SLC16A12: variants seen among roughly 807,000 people sequenced by gnomAD.
The protein encoded by SLC16A12 is solute carrier family 16 member 12, also known as monocarboxylate transporter 12.
A neutral mutation model predicts 42.4 loss-of-function variants in SLC16A12; 17 were observed. The ratio of observed to expected loss-of-function variants is 0.40; its 90% CI spans 0.27 to 0.60. The LOEUF (loss-of-function observed/expected upper bound fraction) is 0.60, where lower values mean the gene tolerates loss of function less well. SLC16A12 is among the 20% of genes least tolerant of loss of function. The pLI is 0.42. For synonymous variants in SLC16A12, 224 were observed against 229.4 expected, an observed-to-expected ratio of 0.98 and a Z score of 0.21; for missense variants, 544 against 623.0, an observed-to-expected ratio of 0.87 and a Z score of 1.35.
At chr10:89,526,369 T>G (rs1404541196) in intron 2 of SLC16A12, among the ~76,000 whole-genome samples, 2 of 152,200 alleles carry the variant, frequency 1.3e-5, no homozygotes, top group Non-Finnish European at 2.9e-5. Flanking sequence ...ACATATAACT[T>G]GAACTGAGTC....
chr10:89,501,255 A>T (rs1032286652), intron 2 of SLC16A12, among the ~76,000 whole-genome samples: 7 of 152,242 alleles, frequency 4.6e-5, no homozygotes, highest in African/African-American at 1.7e-4. Flanking sequence ...ATTCAATGCA[A>T]TGCCCATCAA....
intron 2 of SLC16A12, among the ~76,000 whole-genome samples, chr10:89,526,467 T>G (rs144203286): frequency 8.0e-4 from 122 of 152,316 alleles, no homozygotes; most frequent in African/African-American, 2.7e-3. Flanking sequence ...ATCAAAGTTA[T>G]AAAGTTATTA....
intron 2 of SLC16A12, among the ~76,000 whole-genome samples, chr10:89,481,159 G>A (rs1208607248): frequency 1.3e-5 from 2 of 152,140 alleles, no homozygotes; most frequent in Admixed American, 1.3e-4. Context: ...GAGTACAACT[G>A]TAGAAATACA....
intron 2 of SLC16A12, among the ~76,000 whole-genome samples, chr10:89,486,757 T>G (rs1842762403): frequency 6.8e-6 from 1 of 147,648 alleles, no homozygotes; most frequent in East Asian, 2.0e-4. Context: ...AGTATAGAAA[T>G]AAAGACTAGG....
At chr10:89,479,161 C>T (rs1434193990) in intron 2 of SLC16A12, among the ~76,000 whole-genome samples, 1 of 152,214 alleles carries the variant, frequency 6.6e-6, no homozygotes, top group Admixed American at 6.5e-5. Context: ...CAAAGACCTC[C>T]TTTTCCATGA....
At chr10:89,451,531 C>A (rs1043606900) in intron 3 of SLC16A12, among the ~76,000 whole-genome samples, 13 of 152,088 alleles carry the variant, frequency 8.5e-5, no homozygotes, top group Admixed American at 6.5e-4. Flanking sequence ...CCTGTCTCAG[C>A]CTCCCGAGTA....
chr10:89,505,331 C>T (rs1006085506), intron 2 of SLC16A12, among the ~76,000 whole-genome samples: 1 of 152,038 alleles, frequency 6.6e-6, no homozygotes, highest in Non-Finnish European at 1.5e-5. Context: ...AGGAGAATCT[C>T]TTAAACCTGG....
intron 2 of SLC16A12, among the ~76,000 whole-genome samples, chr10:89,551,176 T>C (rs1843768290): frequency 6.6e-6 from 1 of 152,186 alleles, no homozygotes; most frequent in South Asian, 2.1e-4. Flanking sequence ...GCGTGGTGGC[T>C]CACGCTTGTA....
chr10:89,510,364 A>G (rs1843143945), intron 2 of SLC16A12, among the ~76,000 whole-genome samples: 2 of 152,238 alleles, frequency 1.3e-5, no homozygotes, highest in Admixed American at 6.5e-5. Flanking sequence ...CCAAAACAGC[A>G]TGGTACTGGT....
At chr10:89,516,214 G>A (rs971465177) in intron 2 of SLC16A12, among the ~76,000 whole-genome samples, 1 of 152,136 alleles carries the variant, frequency 6.6e-6, no homozygotes, top group Non-Finnish European at 1.5e-5. Flanking sequence ...GTTCACTGAT[G>A]TATCCCTATC....
chr10:89,501,933 G>A (rs934682154), intron 2 of SLC16A12, among the ~76,000 whole-genome samples: 8 of 152,130 alleles, frequency 5.3e-5, no homozygotes, highest in South Asian at 2.1e-4. Context: ...CCTAGAACAT[G>A]CCTAACATAT....
chr10:89,441,894 A>G (rs1841918234), intron 4 of SLC16A12, among the ~76,000 whole-genome samples: 1 of 152,232 alleles, frequency 6.6e-6, no homozygotes, highest in Non-Finnish European at 1.5e-5. Context: ...AATATTAAGT[A>G]AAACCAGAGA....
chr10:89,492,981 A>G (rs1842868337), intron 2 of SLC16A12, among the ~76,000 whole-genome samples: 1 of 152,076 alleles, frequency 6.6e-6, no homozygotes, highest in Non-Finnish European at 1.5e-5. Flanking sequence ...AAGAGTCACC[A>G]AATAAGACAT....
Position 89,460,589 on chromosome 10 carries a change from T to G in SLC16A12, c.200+1790A>C, listed in dbSNP as rs550945591. 2.2e-4 allele frequency among the ~76,000 whole-genome samples: 33 copies of G among 151,724 alleles called. 1 individual carries two copies. The East Asian group carries it at 5.6e-3, about 26-fold the overall frequency. ...AAATACAAAAATTAGCCAGGCGTAA[T>G]TTTTGTATCCCAGTACAAAATTTTG... On this transcript the variant is annotated intron_variant, in intron 3 of 7. Coordinates refer to ENST00000371790, the MANE Select transcript of SLC16A12 (RefSeq NM_213606.4).
At chr10:89,554,121 A>G (rs1239525715) in intron 2 of SLC16A12, among the ~76,000 whole-genome samples, 10 of 149,028 alleles carry the variant, frequency 6.7e-5, no homozygotes, top group African/African-American at 2.5e-4. Flanking sequence ...GGAAGGAAGG[A>G]AGGAAGGAAG....
At chr10:89,467,178 G>GTT (rs1842415662) in intron 2 of SLC16A12, among the ~76,000 whole-genome samples, 1 of 152,276 alleles carries the variant, frequency 6.6e-6, no homozygotes, top group South Asian at 2.1e-4. Flanking sequence ...GTTTTCCAGT[G>GTT]TAAGACTATA....
At chr10:89,474,430 G>C (rs1454292686) in intron 2 of SLC16A12, among the ~76,000 whole-genome samples, 1 of 152,128 alleles carries the variant, frequency 6.6e-6, no homozygotes, top group East Asian at 1.9e-4. Context: ...CCTTCACCAG[G>C]GAGAACCCCC....
At chr10:89,446,458 T>C (rs981043942) in intron 3 of SLC16A12, among the ~76,000 whole-genome samples, 11 of 152,326 alleles carry the variant, frequency 7.2e-5, no homozygotes, top group Admixed American at 3.9e-4. Flanking sequence ...ATATTCAACA[T>C]TCTTAAAGAA....
intron 2 of SLC16A12, chr10:89,467,988 T>C (rs1564579184): frequency 6.6e-6 from 1 of 152,252 alleles, no homozygotes; most frequent in Non-Finnish European, 1.5e-5. Flanking sequence ...TTTACTTTGC[T>C]GCTGCTAAAC....
Sources: gnomAD v4.1 joint callset for allele counts (sites outside exome capture counted in the v4.1 genomes callset) on GRCh38, gnomAD v4.1.1 for gene constraint, MANE v1.5 for transcripts, NCBI Gene and HGNC (gene_info 2026-07-23, HGNC 2026-07-21) for gene names.